LDLRAD4: variants seen among roughly 807,000 people sequenced by gnomAD.
LDLRAD4 encodes low-density lipoprotein receptor class A domain-containing protein 4.
LDLRAD4 carries 5 observed loss-of-function variants against 17.0 expected under a neutral mutation model. That is an observed-to-expected ratio of 0.29 (90% CI 0.15 to 0.62). LDLRAD4 has a LOEUF of 0.62. Among genes scored for constraint, LDLRAD4 ranks in the 20% least tolerant of loss-of-function variants. The probability of loss-of-function intolerance (pLI) is 0.84; values close to 1 mark genes in which losing one functional copy is unlikely to be tolerated. For missense variants in LDLRAD4, 340 were observed against 424.7 expected, an observed-to-expected ratio of 0.80 and a Z score of 1.75; for synonymous variants, 168 against 171.8, an observed-to-expected ratio of 0.98 and a Z score of 0.17.
chr18:13,372,954 G>T (rs538513801), intron 1 of LDLRAD4, among the ~76,000 whole-genome samples: 1 of 152,212 alleles, frequency 6.6e-6, no homozygotes, highest in Non-Finnish European at 1.5e-5. Context: ...CTCCAGTTGC[G>T]TCTTCATGTA....
intron 3 of LDLRAD4, among the ~76,000 whole-genome samples, chr18:13,562,146 A>AT (rs1190813874): frequency 1.3e-5 from 2 of 152,194 alleles, no homozygotes; most frequent in African/African-American, 4.8e-5. Flanking sequence ...AAGTTGCTTG[A>AT]TGTCTCTGAG....
chr18:13,508,706 CT>C (rs1344720174), intron 3 of LDLRAD4, among the ~76,000 whole-genome samples: 4 of 152,140 alleles, frequency 2.6e-5, no homozygotes, highest in Non-Finnish European at 4.4e-5. Flanking sequence ...AAAAAGATTC[CT>C]TTCAAAGTAT....
Position 13,377,587 on chromosome 18 carries a change from A to T in LDLRAD4, c.-382-9754A>T, listed in dbSNP as rs375342725. Among the ~76,000 whole-genome samples the T allele has an allele frequency of 2.6e-4, 39 of 152,334 alleles. 1 individual carries two copies. In the East Asian group the frequency reaches 3.3e-3, roughly 13 times the overall value. Reference sequence around the variant, plus strand: ...GAAGTTTAAGTTCTAAGAGGATATCAGATGGGCCTGTATCTGTTTCTCCTC... The same window carrying T: ...GAAGTTTAAGTTCTAAGAGGATATCTGATGGGCCTGTATCTGTTTCTCCTC... On this transcript the variant is annotated intron_variant, in intron 1 of 5. Transcript: ENST00000359446.
At chr18:13,624,044 C>T (rs905705811) in intron 4 of LDLRAD4, among the ~76,000 whole-genome samples, 7 of 152,176 alleles carry the variant, frequency 4.6e-5, no homozygotes, top group African/African-American at 1.4e-4. Context: ...AGTACGCGGG[C>T]GGCCCTGCAA....
intron 3 of LDLRAD4, among the ~76,000 whole-genome samples, chr18:13,478,758 T>C (rs1247443692): frequency 6.6e-6 from 1 of 152,254 alleles, no homozygotes; most frequent in African/African-American, 2.4e-5. Flanking sequence ...AGTTGTTTTT[T>C]GGATACGGAA....
chr18:13,358,739 T>C (rs1406192936), intron 1 of LDLRAD4, among the ~76,000 whole-genome samples: 1 of 152,148 alleles, frequency 6.6e-6, no homozygotes, highest in Non-Finnish European at 1.5e-5. Flanking sequence ...CTTTTTGAAG[T>C]TTTTCTGTAA....
chr18:13,594,967 C>T (rs2095077112), intron 3 of LDLRAD4, among the ~76,000 whole-genome samples: 1 of 151,996 alleles, frequency 6.6e-6, no homozygotes, highest in Admixed American at 6.6e-5. Flanking sequence ...TAGTTTTGGT[C>T]ATTTGTGCCT....
intron 1 of LDLRAD4, among the ~76,000 whole-genome samples, chr18:13,222,934 G>A (rs150849490): frequency 6.6e-6 from 1 of 152,186 alleles, no homozygotes; most frequent in Non-Finnish European, 1.5e-5. Context: ...CTTTCTGCAG[G>A]TGCAGACACT....
intron 1 of LDLRAD4, among the ~76,000 whole-genome samples, chr18:13,290,836 G>A (rs965865470): frequency 2.0e-5 from 3 of 152,140 alleles, no homozygotes; most frequent in African/African-American, 4.8e-5. Context: ...AAGATCATTG[G>A]CCTATAAGAA....
intron 3 of LDLRAD4, among the ~76,000 whole-genome samples, chr18:13,590,353 G>C (rs115017130): frequency 6.6e-6 from 1 of 151,820 alleles, no homozygotes; most frequent in Non-Finnish European, 1.5e-5. Context: ...GTGTGTGTGC[G>C]TGTGCGTGTA....
At chr18:13,392,013 T>C (rs2086311488) in intron 2 of LDLRAD4, among the ~76,000 whole-genome samples, 1 of 152,280 alleles carries the variant, frequency 6.6e-6, no homozygotes, top group South Asian at 2.1e-4. Flanking sequence ...AAAGCTCTTC[T>C]GTATATTTGA....
chr18:13,378,727 A>G (rs2085118043), intron 1 of LDLRAD4, among the ~76,000 whole-genome samples: 1 of 151,920 alleles, frequency 6.6e-6, no homozygotes, highest in Non-Finnish European at 1.5e-5. Context: ...CAAAAACCTC[A>G]CCCACACACT....
chr18:13,225,137 A>G (rs1482300731), intron 1 of LDLRAD4, among the ~76,000 whole-genome samples: 1 of 152,212 alleles, frequency 6.6e-6, no homozygotes, highest in Non-Finnish European at 1.5e-5. Flanking sequence ...CGCCAGGCCA[A>G]GAGTCTCTGT....
chr18:13,296,257 T>C (rs2046269509), intron 1 of LDLRAD4, among the ~76,000 whole-genome samples: 2 of 152,242 alleles, frequency 1.3e-5, no homozygotes, highest in African/African-American at 2.4e-5. Flanking sequence ...TGTATAAGCT[T>C]GTGAGATGTT....
At position 13,299,822 on chromosome 18, in the gene LDLRAD4, G is replaced by A. The variant is rs12604344; in HGVS notation, c.-383+21634G>A. ...ATGCCACTTACCCTCCAGCCTGGGC[G>A]ATAGAGCAAGACCCTGTCTCTTAAA... On this transcript the variant is annotated intron_variant, in intron 1 of 5. Transcript: ENST00000359446. Among the ~76,000 whole-genome samples, 1,283 of 152,188 alleles carry A rather than the reference G, an allele frequency of 8.4e-3. 55 individuals carry two copies. Among genetic ancestry groups the A allele is most frequent in the Admixed American group, 0.073 (1,114 of 15,288 alleles).
intron 1 of LDLRAD4, among the ~76,000 whole-genome samples, chr18:13,323,175 T>C (rs908856289): frequency 2.6e-5 from 4 of 152,254 alleles, no homozygotes; most frequent in Admixed American, 6.5e-5. Context: ...AATTTGCCTT[T>C]TAAAAGATAG....
chr18:13,320,826 T>C (rs1469281041), intron 1 of LDLRAD4, among the ~76,000 whole-genome samples: 2 of 152,182 alleles, frequency 1.3e-5, no homozygotes, highest in East Asian at 1.9e-4. Flanking sequence ...TGGCATCTGG[T>C]AGACCGTGTT....
At chr18:13,498,043 C>T (rs2847110) in intron 3 of LDLRAD4, among the ~76,000 whole-genome samples, 7,639 of 52,042 alleles carry the variant, frequency 0.15, 580 homozygotes, top group South Asian at 0.36. Context: ...CACACACGTC[C>T]CGCCATGGAC....
chr18:13,590,602 A>G (rs1243509509), intron 3 of LDLRAD4, among the ~76,000 whole-genome samples: 1 of 152,150 alleles, frequency 6.6e-6, no homozygotes. Context: ...AGCATTTCTG[A>G]TCTCTGCAAA....
Sources: gnomAD v4.1 joint callset for allele counts (sites outside exome capture counted in the v4.1 genomes callset) on GRCh38, gnomAD v4.1.1 for gene constraint, MANE v1.5 for transcripts, NCBI Gene and HGNC (gene_info 2026-07-23, HGNC 2026-07-21) for gene names.